BTD: variants seen among roughly 807,000 people sequenced by gnomAD.
BTD encodes the protein biotinidase.
In BTD, 13 loss-of-function variants were observed where a neutral mutation model predicts 17.7. The observed-to-expected ratio is 0.74, with a 90% CI of 0.48 to 1.17. The LOEUF is 1.17. Ranked by LOEUF, BTD falls within the 50% of genes most tolerant of loss-of-function variation. The pLI is 0.00. For synonymous variants in BTD, 240 were observed against 245.2 expected (o/e 0.98, Z 0.20); for missense variants, 674 against 650.4 (o/e 1.04, Z -0.39).
intron 4 of BTD, among the ~76,000 whole-genome samples, chr3:15,720,438 T>C (rs1253410642): frequency 6.6e-6 from 1 of 152,214 alleles, no homozygotes; most frequent in Non-Finnish European, 1.5e-5. Context: ...ACAGACATCA[T>C]ACATGTCACC....
chr3:15,690,407 T>A (rs2068636489), intron 3 of BTD, among the ~76,000 whole-genome samples: 1 of 152,212 alleles, frequency 6.6e-6, no homozygotes, highest in Non-Finnish European at 1.5e-5. Flanking sequence ...AGTAGGCTAC[T>A]GTGTTAGGGA....
chr3:15,672,782 G>C (rs578064316), intron 3 of BTD, among the ~76,000 whole-genome samples: 10 of 152,038 alleles, frequency 6.6e-5, no homozygotes, highest in Middle Eastern at 6.8e-3. Context: ...CTCTGCATGG[G>C]GGTTATTTTT....
chr3:15,697,285 G>C (rs1440220714), intron 3 of BTD: 1 of 153,084 alleles, frequency 6.5e-6, no homozygotes, highest in Non-Finnish European at 1.5e-5. Flanking sequence ...GACTCAGGGG[G>C]AAGTTCCCAA....
downstream of BTD, among the ~76,000 whole-genome samples, chr3:15,715,686 T>C (rs2072924179): frequency 6.6e-6 from 1 of 152,172 alleles, no homozygotes; most frequent in South Asian, 2.1e-4. Flanking sequence ...TTTGGACAAG[T>C]TGCCTAACTT....
Position 15,622,271 on chromosome 3 carries a change from C to A in BTD, c.-16-13153C>A, listed in dbSNP as rs567313208. Among the ~76,000 whole-genome samples the A allele has an allele frequency of 2.6e-5, 4 of 152,120 alleles. No homozygotes were observed. The East Asian group carries it at 7.7e-4, about 29-fold the overall frequency. On this transcript the variant is annotated intron_variant, in intron 1 of 3. Coordinates refer to ENST00000643237, the MANE Select transcript of BTD (RefSeq NM_001370658.1). ...AGACTACTGATCTTATATCTTAATT[C>A]TTTTGTACATTTCTCTTGAGATTTC...
chr3:15,673,037 A>G (rs1223150609), intron 3 of BTD, among the ~76,000 whole-genome samples: 2 of 152,216 alleles, frequency 1.3e-5, no homozygotes, highest in Non-Finnish European at 2.9e-5. Context: ...TGTGCCTCCC[A>G]AAGTGCTAGG....
chr3:15,705,085 C>T (rs2071174474), intron 3 of BTD, among the ~76,000 whole-genome samples: 1 of 152,162 alleles, frequency 6.6e-6, no homozygotes, highest in African/African-American at 2.4e-5. Context: ...TAAATTGGGT[C>T]TTTCGGATCC....
rs1015433194 is a variant in BTD, at chr3:15,645,698, G to C, written c.*210G>C. On this transcript the variant is annotated 3_prime_UTR_variant, in exon 4 of 4. Transcript: ENST00000643237. Reference sequence around the variant, plus strand: ...TAAACCTCAATCATCGAGACATTAGGGGGTATTTTCTGTTCACATTTATCT... The same window carrying C: ...TAAACCTCAATCATCGAGACATTAGCGGGTATTTTCTGTTCACATTTATCT... 3.4e-6 allele frequency: 2 copies of C among 579,868 alleles called. No homozygotes were observed. The highest frequency in any genetic ancestry group is 6.1e-6 in the Non-Finnish European group (2 of 329,192). The allele number at this position is 579,868 out of a possible 1,614,324, so 35.9% of individuals were successfully genotyped here.
rs746116374 is a variant in BTD at position 15,641,937 on chromosome 3, T to C, written c.279T>C (p.Asp93=). The C allele has an allele frequency of 5.0e-6, 8 of 1,613,478 alleles. No homozygotes were observed. In the African/African-American group the frequency reaches 8.0e-5, roughly 16 times the overall value. The change falls in exon 3 of 4, where the codon GAT becomes GAC. Residue 93 remains aspartate, a synonymous_variant. Coordinates refer to ENST00000643237, the MANE Select transcript of BTD (RefSeq NM_001370658.1). ...TACAGATTATAGTGTTTCCAGAAGA[T>C]GGCATTCATGGATTCAACTTTACAA... ...KDVQIIVFPE[D]GIHGFNFTRT...
rs370060057 is a variant in BTD, at chr3:15,602,001, C to T, written c.-17+107C>T. On this transcript the variant is annotated intron_variant, in intron 1 of 3. Transcript: ENST00000643237. Reference sequence around the variant, plus strand: ...CTTGGGGAGGGCTGCGCAAAGGCTGCCGGGAGCTGGGAAGCCCGGCGCGCG... The same window carrying T: ...CTTGGGGAGGGCTGCGCAAAGGCTGTCGGGAGCTGGGAAGCCCGGCGCGCG... 6.8e-4 allele frequency: 1,053 copies of T among 1,541,144 alleles called. 8 individuals are homozygous for T. In the African/African-American group the frequency reaches 0.013, roughly 19 times the overall value.
rs3048217 is a variant in BTD at position 15,650,437 on chromosome 3, CA to C, written c.*4961del. Among the ~76,000 whole-genome samples the C allele has an allele frequency of 0.27, 40,331 of 149,892 alleles. 6,962 individuals carry two copies. The highest frequency in any genetic ancestry group is 0.49 in the African/African-American group (19,853 of 40,798). ...CTTCATCTTTTTCTTTTTGTTTGAG[CA>C]AAAAAAAAAAAGAATATATTAACTC... is the stretch of plus-strand genomic sequence containing the variant. On this transcript the variant is annotated 3_prime_UTR_variant, in exon 4 of 4. Transcript: ENST00000643237.
At chr3:15,687,429 A>T (rs1056058916) in intron 3 of BTD, among the ~76,000 whole-genome samples, 3 of 152,166 alleles carry the variant, frequency 2.0e-5, no homozygotes, top group African/African-American at 7.2e-5. Flanking sequence ...GTACAAGTAG[A>T]AGTAGTCCAA....
At chr3:15,637,590 A>G (rs187976340) in intron 2 of BTD, among the ~76,000 whole-genome samples, 76 of 152,288 alleles carry the variant, frequency 5.0e-4, no homozygotes, top group African/African-American at 1.8e-3. Flanking sequence ...CATATGATAC[A>G]CACCTCATTT....
intron 1 of BTD, among the ~76,000 whole-genome samples, chr3:15,628,576 C>T (rs953627907): frequency 1.3e-5 from 2 of 152,296 alleles, no homozygotes; most frequent in Admixed American, 1.3e-4. Flanking sequence ...CTTGCTGACA[C>T]TCATTGAAAC....
At chr3:15,639,093 A>G (rs1198745122) in intron 2 of BTD, among the ~76,000 whole-genome samples, 6 of 152,076 alleles carry the variant, frequency 3.9e-5, no homozygotes, top group Non-Finnish European at 8.8e-5. Context: ...CTCAGAAGGA[A>G]GGGGTTCTTG....
At chr3:15,601,539 GGCAGCACGCCACC>G (rs1559570005), upstream of BTD, 1 of 1,605,588 alleles carries the variant, frequency 6.2e-7, no homozygotes, top group East Asian at 2.2e-5. Context: ...ACGCGAAATC[GGCAGCACGCCACC>G]TCTGGTACTG....
chr3:15,611,203 T>C (rs948493333), intron 1 of BTD, among the ~76,000 whole-genome samples: 2 of 152,168 alleles, frequency 1.3e-5, no homozygotes, highest in African/African-American at 4.8e-5. Context: ...GCAATTTAAA[T>C]AGGAGTCACT....
intron 1 of BTD, among the ~76,000 whole-genome samples, chr3:15,629,053 G>A (rs1275454456): frequency 6.6e-6 from 1 of 152,124 alleles, no homozygotes; most frequent in Non-Finnish European, 1.5e-5. Context: ...CTTCTAGTTT[G>A]AGTGTTTAAT....
In BTD at chr3:15,645,782, A is replaced by C. The variant is rs549506770; in HGVS notation, c.*294A>C. The C allele has an allele frequency of 2.9e-6, 1 of 341,796 alleles. No individual in the cohort carries two copies. Among genetic ancestry groups the C allele is most frequent in the African/African-American group, 2.1e-5 (1 of 47,222 alleles). 21.2% of individuals were successfully genotyped at this position (341,796 alleles called of 1,614,324 possible). On this transcript the variant is annotated 3_prime_UTR_variant, in exon 4 of 4. Transcript: ENST00000643237. ...CAGTATGCGATTGGTCTCAAGCTAA[A>C]ACAAAAATAAATGTCAGTTTATATT...
Sources: gnomAD v4.1 joint callset for allele counts (sites outside exome capture counted in the v4.1 genomes callset) on GRCh38, gnomAD v4.1.1 for gene constraint, MANE v1.5 for transcripts, NCBI Gene and HGNC (gene_info 2026-07-23, HGNC 2026-07-21) for gene names.